PCDH9: variants seen among roughly 807,000 people sequenced by gnomAD.
The protein encoded by PCDH9 is protocadherin-9.
In PCDH9, 24 loss-of-function variants were observed where a neutral mutation model predicts 70.6. The observed-to-expected ratio is 0.34, with a 90% CI of 0.25 to 0.48. The LOEUF is 0.48. Ranked by LOEUF, PCDH9 falls within the 20% of genes least tolerant of loss-of-function variation. The probability of loss-of-function intolerance (pLI) is 0.99; values close to 1 mark genes in which losing one functional copy is unlikely to be tolerated. For synonymous variants in PCDH9, 562 were observed against 558.5 expected, an observed-to-expected ratio of 1.01 and a Z score of -0.09; for missense variants, 1,281 against 1,503.6, an observed-to-expected ratio of 0.85 and a Z score of 2.45.
At chr13:66,587,284 T>G (rs1313030906) in intron 4 of PCDH9, among the ~76,000 whole-genome samples, 1 of 151,838 alleles carries the variant, frequency 6.6e-6, no homozygotes, top group African/African-American at 2.4e-5. Context: ...GGAAACAGAG[T>G]GAGACCCTGT....
Position 67,228,050 on chromosome 13 carries a change from T to G in PCDH9, c.391A>C (p.Ile131Leu), listed in dbSNP as rs1269836867. ...GCATTATCATTGGTATCCTTGACAA[T>G]TATTTTTATTTTGATCAGCCTGAAG... ...DFFRLIKIKI[I>L]VKDTNDNAPM... is the part of the protein sequence containing the mutation. The change falls in exon 2 of 5, where the codon ATT becomes CTT. Residue 131 changes from isoleucine (I) to leucine (L), a missense_variant. By Grantham distance (5) the Ile-to-Leu change is conservative. Around this residue, in one of 4 missense-constraint regions of PCDH9, gnomAD observed 798 missense variants for 1,003.1 expected, o/e 0.80. Coordinates refer to ENST00000377865, the MANE Select transcript of PCDH9 (RefSeq NM_203487.3). 6.2e-7 allele frequency: 1 copy of G among 1,613,792 alleles called. No homozygotes were observed. Among genetic ancestry groups the G allele is most frequent in the Admixed American group, 1.7e-5 (1 of 59,960 alleles).
chr13:66,564,006 C>T (rs2076614970), intron 4 of PCDH9, among the ~76,000 whole-genome samples: 1 of 151,998 alleles, frequency 6.6e-6, no homozygotes, highest in Non-Finnish European at 1.5e-5. Context: ...CCCTTTGTAT[C>T]CCCAGGGGCT....
chr13:66,855,457 T>C (rs2081380020), intron 3 of PCDH9, among the ~76,000 whole-genome samples: 1 of 152,090 alleles, frequency 6.6e-6, no homozygotes, highest in Non-Finnish European at 1.5e-5. Flanking sequence ...ATGGGACCAC[T>C]GTTATTAAAG....
chr13:66,954,891 G>GT (rs2083243261), intron 2 of PCDH9, among the ~76,000 whole-genome samples: 1 of 152,190 alleles, frequency 6.6e-6, no homozygotes, highest in Non-Finnish European at 1.5e-5. Context: ...AGCCTCCTGA[G>GT]TAGCTGGGAC....
intron 3 of PCDH9, among the ~76,000 whole-genome samples, chr13:66,757,281 C>T (rs545059248): frequency 6.6e-6 from 1 of 152,286 alleles, no homozygotes; most frequent in East Asian, 1.9e-4. Context: ...GAATGACAGC[C>T]ATTCATTAAC....
intron 4 of PCDH9, among the ~76,000 whole-genome samples, chr13:66,410,933 A>G (rs1370302372): frequency 2.0e-5 from 3 of 152,226 alleles, no homozygotes; most frequent in Non-Finnish European, 4.4e-5. Context: ...TTTCCAAAAA[A>G]ACAACAAATA....
chr13:66,788,910 G>C (rs2080122151), intron 3 of PCDH9, among the ~76,000 whole-genome samples: 1 of 151,914 alleles, frequency 6.6e-6, no homozygotes, highest in Admixed American at 6.6e-5. Context: ...ATGTAGAATT[G>C]TCCTGGTTTT....
intron 4 of PCDH9, among the ~76,000 whole-genome samples, chr13:66,529,509 T>C (rs919642211): frequency 8.5e-5 from 13 of 152,094 alleles, no homozygotes; most frequent in Non-Finnish European, 1.8e-4. Context: ...GGTAGAGTCA[T>C]ATTTGTTCCA....
At chr13:66,328,543 C>T (rs1955885329) in intron 4 of PCDH9, among the ~76,000 whole-genome samples, 1 of 152,110 alleles carries the variant, frequency 6.6e-6, no homozygotes, top group South Asian at 2.1e-4. Context: ...GCAGAATCCT[C>T]CCAGACTGCT....
chr13:67,107,607 G>A (rs2086574130), intron 2 of PCDH9, among the ~76,000 whole-genome samples: 1 of 152,238 alleles, frequency 6.6e-6, no homozygotes, highest in East Asian at 1.9e-4. Flanking sequence ...TACCCACTTT[G>A]GGTCTCCTGA....
intron 3 of PCDH9, among the ~76,000 whole-genome samples, chr13:66,822,768 C>T (rs887661407): frequency 1.3e-5 from 2 of 151,964 alleles, no homozygotes; most frequent in Admixed American, 6.6e-5. Context: ...CCTCCACCTC[C>T]CAGTGCTGGG....
At chr13:66,692,357 G>A (rs2078500234) in intron 3 of PCDH9, among the ~76,000 whole-genome samples, 1 of 151,978 alleles carries the variant, frequency 6.6e-6, no homozygotes, top group Non-Finnish European at 1.5e-5. Flanking sequence ...TGGTTTTGAA[G>A]ACCTTTGCAT....
intron 2 of PCDH9, chr13:67,220,107 G>T (rs938177013): frequency 2.1e-4 from 32 of 151,512 alleles, no homozygotes; most frequent in African/African-American, 7.7e-4. Context: ...CAACTGTAAC[G>T]TTCAGCATTT....
chr13:66,697,102 A>G (rs1345649373), intron 3 of PCDH9, among the ~76,000 whole-genome samples: 1 of 152,126 alleles, frequency 6.6e-6, no homozygotes, highest in Non-Finnish European at 1.5e-5. Context: ...TACCTCAAAA[A>G]TATTTTTAAT....
intron 2 of PCDH9, among the ~76,000 whole-genome samples, chr13:67,043,723 T>A (rs1158943195): frequency 2.0e-5 from 3 of 152,144 alleles, no homozygotes; most frequent in African/African-American, 7.2e-5. Flanking sequence ...TTGGATTATC[T>A]GGTGGTTTAA....
chr13:66,939,424 A>ATGTGTGTGTGTGTGTG lies in PCDH9; in HGVS notation c.3037-35835_3037-35820dup, dbSNP rs57997772. Among the ~76,000 whole-genome samples the ATGTGTGTGTGTGTGTG allele has an allele frequency of 2.7e-3, 398 of 148,118 alleles. 1 individual carries two copies. Among genetic ancestry groups the ATGTGTGTGTGTGTGTG allele is most frequent in the Middle Eastern group, 0.01 (3 of 286 alleles). Reference sequence around the variant, plus strand: ...GAAAGGTGAGGTCACTTTAAAATATATGTGTGTGTGTGTGTGTGTGTGTGT... The same window carrying ATGTGTGTGTGTGTGTG: ...GAAAGGTGAGGTCACTTTAAAATATATGTGTGTGTGTGTGTGTGTGTGTGTGTGTGTGTGTGTGTGT... On this transcript the variant is annotated intron_variant, in intron 2 of 4. Transcript: ENST00000377865.
chr13:66,476,134 C>A (rs1325596923), intron 4 of PCDH9, among the ~76,000 whole-genome samples: 2 of 152,004 alleles, frequency 1.3e-5, no homozygotes, highest in African/African-American at 4.8e-5. Flanking sequence ...TAGAATCATA[C>A]CTGACCTCAC....
chr13:66,959,750 CA>C (rs5804305), intron 2 of PCDH9, among the ~76,000 whole-genome samples: 73,681 of 129,080 alleles, frequency 0.57, 19,180 homozygotes, highest in African/African-American at 0.66. Context: ...GACCCCGTCT[CA>C]AAAAAAAAAA....
At chr13:66,989,313 A>G (rs866942211) in intron 2 of PCDH9, among the ~76,000 whole-genome samples, 13 of 151,978 alleles carry the variant, frequency 8.6e-5, no homozygotes, top group African/African-American at 3.1e-4. Context: ...CTGGCCCACC[A>G]AAATCCCAAA....
Sources: gnomAD v4.1 joint callset for allele counts (sites outside exome capture counted in the v4.1 genomes callset) on GRCh38, gnomAD v4.1.1 for gene constraint, gnomAD v4.1.1 regional missense constraint, MANE v1.5 for transcripts, NCBI Gene and HGNC (gene_info 2026-07-23, HGNC 2026-07-21) for gene names.